Variants in FAM171B observed in about 807,000 individuals in gnomAD.
FAM171B encodes the protein protein FAM171B.
A neutral mutation model predicts 75.6 loss-of-function variants in FAM171B; 19 were observed. That is an observed-to-expected ratio of 0.25 (90% CI 0.18 to 0.37). The LOEUF (loss-of-function observed/expected upper bound fraction) is 0.37, where lower values mean the gene tolerates loss of function less well. Among genes scored for constraint, FAM171B ranks in the 10% least tolerant of loss-of-function variants. The pLI, the probability that FAM171B is intolerant of heterozygous loss-of-function variation, is 1.00. For missense variants in FAM171B, 848 were observed against 982.4 expected, an observed-to-expected ratio of 0.86 and a Z score of 1.83; for synonymous variants, 367 against 361.7, an observed-to-expected ratio of 1.01 and a Z score of -0.17.
rs1400493275 is a variant in FAM171B at position 186,762,394 on chromosome 2, A to G, written c.2052A>G (p.Gln684=). 3.7e-6 allele frequency: 6 copies of G among 1,613,542 alleles called. No individual in the cohort carries two copies. In the African/African-American group the frequency reaches 8.0e-5, roughly 22 times the overall value. ...FVSLDGKPVA[Q]VRHSFIDLKK... ...CTCTTGATGGAAAGCCAGTTGCACAAGTGAGGCACTCCTTTATAGACCTGA... is the reference window on the plus strand; with the variant it reads ...CTCTTGATGGAAAGCCAGTTGCACAGGTGAGGCACTCCTTTATAGACCTGA... The change falls in exon 8 of 8, where the codon CAA becomes CAG. Residue 684 remains glutamine, a synonymous_variant. Transcript: ENST00000304698. This position sits in a 1 kb window ranked among gnomAD's most constrained non-coding sequence, Gnocchi z 4.0.
intron 1 of FAM171B, among the ~76,000 whole-genome samples, chr2:186,700,393 C>T (rs1689639881): frequency 6.6e-6 from 1 of 152,078 alleles, no homozygotes; most frequent in South Asian, 2.1e-4. Flanking sequence ...TTCTTCATAG[C>T]CCCTTCCCAG....
intron 6 of FAM171B, 98 bp from the exon 7 acceptor site, chr2:186,761,015 G>A: frequency 7.8e-7 from 1 of 1,276,208 alleles, no homozygotes; most frequent in Non-Finnish European, 1.1e-6. Context: ...ACAAATAAAA[G>A]TATGTACACT....
chr2:186,694,188 C>G lies in FAM171B; in HGVS notation c.15C>G (p.Cys5Trp). The change falls in exon 1 of 8, where the codon TGC (cysteine) becomes TGG (tryptophan). Residue 5 changes from cysteine (C) to tryptophan (W), a missense_variant. Cys to Trp is a radical substitution (Grantham distance 215, BLOSUM62 -2). Coordinates refer to ENST00000304698, the MANE Select transcript of FAM171B (RefSeq NM_177454.4). ...GGCTCTAGGCCATGGCGAGGCTCTG[C>G]CGGCGTGTCCCCTGCACCCTGCTTC... is the stretch of plus-strand genomic sequence containing the variant. MARLCRRVPCTLLLG... is the reference protein window; with the variant it reads MARLWRRVPCTLLLG... 1 of 1,600,328 alleles carries G rather than the reference C, an allele frequency of 6.2e-7. No individual in the cohort carries two copies. Among genetic ancestry groups the G allele is most frequent in the Non-Finnish European group, 8.5e-7 (1 of 1,177,954 alleles).
At position 186,747,257 on chromosome 2, in the gene FAM171B, T is replaced by C. The variant is rs1690378214; in HGVS notation, c.724+7T>C. 2 of 1,562,830 alleles carry C rather than the reference T, an allele frequency of 1.3e-6. No homozygotes were observed. The highest frequency in any genetic ancestry group is 2.8e-5 in the African/African-American group (2 of 72,606). Reference sequence around the variant, plus strand: ...ATTACTCTCAATAAACCAGGTATTATCTACTTTTTGTATAATATAGTTATA... The same window carrying C: ...ATTACTCTCAATAAACCAGGTATTACCTACTTTTTGTATAATATAGTTATA... On this transcript the variant is annotated splice_region_variant and intron_variant, in intron 4 of 7. Coordinates refer to ENST00000304698, the MANE Select transcript of FAM171B (RefSeq NM_177454.4).
Position 186,733,086 on chromosome 2 carries a change from G to A in FAM171B, c.239-7142G>A, listed in dbSNP as rs571250946. 7.9e-4 allele frequency among the ~76,000 whole-genome samples: 120 copies of A among 152,228 alleles called. 1 individual carries two copies. The highest frequency in any genetic ancestry group is 3.9e-4 in the East Asian group (2 of 5,182). ...CCTGCCTTGCTCATATCTGATTACC[G>A]ACTGTAACAGTGCGTGTATTTGAAG... On this transcript the variant is annotated intron_variant, in intron 1 of 7. Transcript: ENST00000304698.
intron 5 of FAM171B, 114 bp from the exon 6 acceptor site, chr2:186,753,819 T>G: frequency 1.4e-6 from 1 of 710,828 alleles, no homozygotes; most frequent in Non-Finnish European, 2.5e-6. Flanking sequence ...TAGCCTATGA[T>G]TATATATTGC....
At chr2:186,758,355 G>C (rs146904203) in intron 6 of FAM171B, among the ~76,000 whole-genome samples, 109 of 152,266 alleles carry the variant, frequency 7.2e-4, no homozygotes, top group African/African-American at 2.4e-3. Flanking sequence ...CTGCAATACT[G>C]TTTCTCCAAA....
intron 2 of FAM171B, among the ~76,000 whole-genome samples, chr2:186,742,097 C>T (rs1303527240): frequency 6.6e-6 from 1 of 152,050 alleles, no homozygotes; most frequent in Non-Finnish European, 1.5e-5. Context: ...TAAAAAATCA[C>T]AGGAATACCC....
intron 5 of FAM171B, 137 bp from the exon 6 acceptor site, chr2:186,753,796 A>C: frequency 5.2e-6 from 3 of 578,938 alleles, no homozygotes; most frequent in Non-Finnish European, 9.3e-6. Context: ...TTATAATATG[A>C]TGTGATATAT....
At chr2:186,754,079 A>T in intron 6 of FAM171B, 30 bp downstream of exon 6, 1 of 1,503,262 alleles carries the variant, frequency 6.7e-7, no homozygotes, top group Non-Finnish European at 9.1e-7. Context: ...TAATTAAAAC[A>T]TGTAATTCAA....
chr2:186,744,087 T>C (rs1040263226), intron 3 of FAM171B, among the ~76,000 whole-genome samples: 9 of 152,218 alleles, frequency 5.9e-5, no homozygotes, highest in African/African-American at 2.2e-4. Flanking sequence ...ATTCAAACTG[T>C]GTCCTCCAAT....
At chr2:186,747,363 C>T in intron 4 of FAM171B, 113 bp downstream of exon 4, 1 of 558,604 alleles carries the variant, frequency 1.8e-6, no homozygotes, top group Non-Finnish European at 2.7e-6. Context: ...GGATAATACA[C>T]ATCATTTGAG....
chr2:186,720,363 C>A (rs1031374726), intron 1 of FAM171B, among the ~76,000 whole-genome samples: 6 of 152,156 alleles, frequency 3.9e-5, no homozygotes, highest in African/African-American at 7.2e-5. Context: ...GGCTAATTTT[C>A]TTTTTCCCCT....
intron 1 of FAM171B, among the ~76,000 whole-genome samples, chr2:186,726,713 C>T (rs1475414091): frequency 2.0e-5 from 3 of 151,942 alleles, no homozygotes; most frequent in Non-Finnish European, 4.4e-5. Flanking sequence ...TTTCTACTCC[C>T]TAGTATCATT....
chr2:186,718,762 G>A (rs1689908719), intron 1 of FAM171B, among the ~76,000 whole-genome samples: 1 of 152,200 alleles, frequency 6.6e-6, no homozygotes. Flanking sequence ...GTTTACTGAG[G>A]CAAATTTAAT....
intron 1 of FAM171B, among the ~76,000 whole-genome samples, chr2:186,696,647 T>C (rs1365804623): frequency 6.6e-6 from 1 of 151,270 alleles, no homozygotes; most frequent in Non-Finnish European, 1.5e-5. Context: ...ACTAGCTCTA[T>C]TTTCTTTAGC....
chr2:186,733,055 T>A (rs769356812), intron 1 of FAM171B, among the ~76,000 whole-genome samples: 6 of 152,134 alleles, frequency 3.9e-5, no homozygotes, highest in Non-Finnish European at 7.4e-5. Flanking sequence ...TGAGGGTGGG[T>A]CCTCTCCTGC....
intron 1 of FAM171B, among the ~76,000 whole-genome samples, chr2:186,725,236 T>C (rs903140941): frequency 6.0e-5 from 9 of 150,438 alleles, no homozygotes; most frequent in Non-Finnish European, 8.9e-5. Flanking sequence ...CCCAGCTACT[T>C]GGGAGGCTGA....
Position 186,764,006 on chromosome 2 carries a change from A to T in FAM171B, c.*1183A>T, listed in dbSNP as rs73979358. On this transcript the variant is annotated 3_prime_UTR_variant, in exon 8 of 8. Coordinates refer to ENST00000304698, the MANE Select transcript of FAM171B (RefSeq NM_177454.4). ...CTTTTTTCAGTTTTGTAAGTAATAT[A>T]TCTATGTTCTTTTCATTATAGCAAG... The T allele has an allele frequency of 4.1e-3, 620 of 152,192 alleles. 3 individuals carry two copies. Among genetic ancestry groups the T allele is most frequent in the African/African-American group, 0.014 (593 of 41,552 alleles). The allele number at this position is 152,192 out of a possible 1,614,324, so 9.4% of individuals were successfully genotyped here. A position where few individuals can be genotyped will look rare whatever the true frequency, so the allele number is the denominator to read the frequency against.
Sources: allele counts gnomAD v4.1 joint callset (sites outside exome capture counted in the v4.1 genomes callset), GRCh38; gene constraint gnomAD v4.1.1; non-coding constraint Gnocchi (gnomAD v3.1); transcripts MANE v1.5; gene names NCBI Gene and HGNC (gene_info 2026-07-23, HGNC 2026-07-21).